Variants in GPR158 observed in about 807,000 individuals in gnomAD.
GPR158 encodes the protein metabotropic glycine receptor.
In GPR158, 30 loss-of-function variants were observed where a neutral mutation model predicts 78.2. The observed-to-expected ratio is 0.38, with a 90% CI of 0.29 to 0.52. The LOEUF (loss-of-function observed/expected upper bound fraction) is 0.52. Among genes scored for constraint, GPR158 ranks in the 20% least tolerant of loss-of-function variants. GPR158 has a pLI of 0.83. For missense variants in GPR158, 1,463 were observed against 1,523.5 expected, an observed-to-expected ratio of 0.96 and a Z score of 0.66; for synonymous variants, 581 against 591.1, an observed-to-expected ratio of 0.98 and a Z score of 0.25.
chr10:25,236,917 A>G (rs1221045434), intron 2 of GPR158, among the ~76,000 whole-genome samples: 1 of 152,250 alleles, frequency 6.6e-6, no homozygotes, highest in Non-Finnish European at 1.5e-5. Context: ...AAATGTATAT[A>G]AATGTATATG....
intron 2 of GPR158, 61 bp from the exon 3 acceptor site, chr10:25,395,850 G>A (rs1564443971): frequency 1.3e-5 from 9 of 718,526 alleles, no homozygotes; most frequent in East Asian, 2.8e-5. Context: ...GGATATCTGC[G>A]AGCCTTTATA....
At chr10:25,423,550 G>C (rs1834782671) in intron 4 of GPR158, among the ~76,000 whole-genome samples, 1 of 149,448 alleles carries the variant, frequency 6.7e-6, no homozygotes, top group East Asian at 1.9e-4. Context: ...CCCAACCTAT[G>C]ACAGGCCCCA....
rs147215763 is a variant in GPR158 at position 25,463,772 on chromosome 10, C to T, written c.1336-2879C>T. Among the ~76,000 whole-genome samples the T allele has an allele frequency of 9.2e-5, 14 of 152,164 alleles. No homozygotes were observed. The East Asian group carries it at 2.7e-3, about 29-fold the overall frequency. On this transcript the variant is annotated intron_variant, in intron 4 of 10. Coordinates refer to ENST00000376351, the MANE Select transcript of GPR158 (RefSeq NM_020752.3). ...GTCCTTCCTCACCCTACCAGTGAGA[C>T]TCTAAACAAGATTCCTATATTTTGC...
intron 5 of GPR158, among the ~76,000 whole-genome samples, chr10:25,471,671 G>A (rs1244878306): frequency 1.3e-5 from 2 of 152,250 alleles, no homozygotes; most frequent in African/African-American, 2.4e-5. Flanking sequence ...GTGTGAGATG[G>A]TATCTCATTG....
At chr10:25,399,482 G>A (rs1010009235) in intron 3 of GPR158, among the ~76,000 whole-genome samples, 2 of 152,114 alleles carry the variant, frequency 1.3e-5, no homozygotes, top group African/African-American at 4.8e-5. Flanking sequence ...ATGCCTGATG[G>A]TCTGAGGTGG....
rs371325512 is a variant in GPR158, at chr10:25,312,020, G to A, written c.1009-83891G>A. On this transcript the variant is annotated intron_variant, in intron 2 of 10. Coordinates refer to ENST00000376351, the MANE Select transcript of GPR158 (RefSeq NM_020752.3). ...TTAGTCTTTTGCAATATTTATTTTG[G>A]TCAAACTATATGAAAATTATCTGGC... is the stretch of plus-strand genomic sequence containing the variant. Among the ~76,000 whole-genome samples the A allele has an allele frequency of 7.2e-5, 11 of 151,938 alleles. No individual in the cohort carries two copies. The South Asian group carries it at 2.1e-3, about 29-fold the overall frequency.
intron 6 of GPR158, among the ~76,000 whole-genome samples, chr10:25,552,419 G>A (rs1231840783): frequency 6.6e-6 from 1 of 152,126 alleles, no homozygotes; most frequent in African/African-American, 2.4e-5. Context: ...TGGACAATAA[G>A]CCTTCTAGAA....
chr10:25,232,196 G>A (rs934460642), intron 2 of GPR158, among the ~76,000 whole-genome samples: 2 of 152,102 alleles, frequency 1.3e-5, no homozygotes, highest in African/African-American at 4.8e-5. Context: ...ATTGCTACTT[G>A]TCCAATTCTA....
chr10:25,190,515 T>C (rs1359346881), intron 1 of GPR158, among the ~76,000 whole-genome samples: 2 of 152,068 alleles, frequency 1.3e-5, no homozygotes, highest in African/African-American at 4.8e-5. Flanking sequence ...CTATTTTTTG[T>C]AGAGATGGGA....
chr10:25,439,332 T>A (rs921500006), intron 4 of GPR158, among the ~76,000 whole-genome samples: 1 of 152,178 alleles, frequency 6.6e-6, no homozygotes, highest in African/African-American at 2.4e-5. Context: ...ACGTATTCAC[T>A]ACCATGAGAA....
rs188384647 is a variant in GPR158 at position 25,231,330 on chromosome 10, G to A, written c.1008+10173G>A. The stretch of plus-strand genomic sequence containing the variant: ...TGGGATAATCTGAGCCAGAAAGGAG[G>A]CAATATTATAGGAAGCACCATTGAT... On this transcript the variant is annotated intron_variant, in intron 2 of 10. Coordinates refer to ENST00000376351, the MANE Select transcript of GPR158 (RefSeq NM_020752.3). 2.2e-3 allele frequency among the ~76,000 whole-genome samples: 337 copies of A among 152,180 alleles called. 2 individuals carry two copies. Among genetic ancestry groups the A allele is most frequent in the African/African-American group, 6.9e-3 (285 of 41,520 alleles).
chr10:25,376,325 TAAAC>T (rs935155828), intron 2 of GPR158, among the ~76,000 whole-genome samples: 17 of 151,824 alleles, frequency 1.1e-4, no homozygotes, highest in South Asian at 6.2e-4. Context: ...AGTTTATACT[TAAAC>T]AATCTTAAAA....
chr10:25,577,159 G>T (rs563418621), intron 7 of GPR158, among the ~76,000 whole-genome samples: 1 of 152,086 alleles, frequency 6.6e-6, no homozygotes, highest in Non-Finnish European at 1.5e-5. Context: ...GGTTTCTAAC[G>T]TGTAGTGTGT....
chr10:25,478,654 T>A (rs1302535050), intron 5 of GPR158, among the ~76,000 whole-genome samples: 1 of 152,074 alleles, frequency 6.6e-6, no homozygotes, highest in African/African-American at 2.4e-5. Context: ...TTTAATTTTT[T>A]TTTATTATAC....
At chr10:25,211,739 T>C (rs966962212) in intron 1 of GPR158, among the ~76,000 whole-genome samples, 4 of 152,230 alleles carry the variant, frequency 2.6e-5, no homozygotes, top group African/African-American at 7.2e-5. Context: ...TAATTTTACC[T>C]TTCGCAGTCA....
intron 5 of GPR158, among the ~76,000 whole-genome samples, chr10:25,474,771 T>G (rs971436877): frequency 6.6e-6 from 1 of 152,120 alleles, no homozygotes; most frequent in Non-Finnish European, 1.5e-5. Context: ...CAAGTTATAC[T>G]TAGATGAACT....
At position 25,412,479 on chromosome 10, in the gene GPR158, C is replaced by G. The variant is rs762800337; in HGVS notation, c.1335+6C>G. 1 of 1,594,754 alleles carries G rather than the reference C, an allele frequency of 6.3e-7. No individual in the cohort carries two copies. Among genetic ancestry groups the G allele is most frequent in the Admixed American group, 1.7e-5 (1 of 59,998 alleles). ...ACCACTTTCGCAAAGCAAAGGTAAA[C>G]CCAGGAACCCTGGTTATGATCCTGT... On this transcript the variant is annotated splice_donor_region_variant and intron_variant, in intron 4 of 10. Transcript: ENST00000376351.
chr10:25,236,567 C>T (rs1564398156), intron 2 of GPR158, among the ~76,000 whole-genome samples: 1 of 152,192 alleles, frequency 6.6e-6, no homozygotes, highest in African/African-American at 2.4e-5. Context: ...CAACCACTTG[C>T]CTTCCATGAT....
chr10:25,323,756 G>A (rs1028218397), intron 2 of GPR158, among the ~76,000 whole-genome samples: 1 of 151,374 alleles, frequency 6.6e-6, no homozygotes, highest in Non-Finnish European at 1.5e-5. Flanking sequence ...GGCCTCAAGT[G>A]ATCCTCCTGA....
Sources: allele counts gnomAD v4.1 joint callset (sites outside exome capture counted in the v4.1 genomes callset), GRCh38; gene constraint gnomAD v4.1.1; transcripts MANE v1.5; gene names NCBI Gene and HGNC (gene_info 2026-07-23, HGNC 2026-07-21).